Variants in EIF4EBP1 observed in about 807,000 individuals in gnomAD.
EIF4EBP1 encodes eukaryotic translation initiation factor 4E binding protein 1, also known as eukaryotic translation initiation factor 4E-binding protein 1.
Under a neutral mutation model 9.2 loss-of-function variants are expected in EIF4EBP1, and 5 were observed. That is an observed-to-expected ratio of 0.54 (90% CI 0.28 to 1.14). The LOEUF is 1.14. EIF4EBP1 is among the 50% of genes most tolerant of loss of function. EIF4EBP1 has a pLI of 0.09. For missense variants in EIF4EBP1, 139 were observed against 169.6 expected (o/e 0.82, Z 1.00); for synonymous variants, 62 against 67.0 (o/e 0.93, Z 0.36).
intron 1 of EIF4EBP1, among the ~76,000 whole-genome samples, chr8:38,035,866 C>T (rs921605899): frequency 2.0e-5 from 3 of 149,994 alleles, no homozygotes; most frequent in African/African-American, 7.4e-5. Flanking sequence ...CGCTACCACG[C>T]CTGGCTAATT....
intron 1 of EIF4EBP1, among the ~76,000 whole-genome samples, chr8:38,043,908 G>A (rs1488793431): frequency 2.0e-5 from 3 of 152,012 alleles, no homozygotes; most frequent in Non-Finnish European, 4.4e-5. Context: ...AGACCATCCA[G>A]CCAGAAAAGC....
chr8:38,040,309 G>A (rs1039522440), intron 1 of EIF4EBP1, among the ~76,000 whole-genome samples: 1 of 152,206 alleles, frequency 6.6e-6, no homozygotes, highest in African/African-American at 2.4e-5. Context: ...GCTGCTCACT[G>A]ACATTTGGGT....
chr8:38,051,652 G>T (rs1809526462), intron 1 of EIF4EBP1, among the ~76,000 whole-genome samples: 1 of 151,894 alleles, frequency 6.6e-6, no homozygotes, highest in Non-Finnish European at 1.5e-5. Flanking sequence ...AGGCTGGAGT[G>T]CAGTGGCACG....
chr8:38,058,047 G>C (rs1809621425), intron 2 of EIF4EBP1, among the ~76,000 whole-genome samples: 1 of 152,166 alleles, frequency 6.6e-6, no homozygotes, highest in South Asian at 2.1e-4. Context: ...CCTCAGCTTG[G>C]CTGGCTCTGC....
chr8:38,041,581 C>T (rs1285858915), intron 1 of EIF4EBP1, among the ~76,000 whole-genome samples: 1 of 152,122 alleles, frequency 6.6e-6, no homozygotes, highest in East Asian at 1.9e-4. Context: ...GTGCAGAAGC[C>T]GACTGGAATC....
At chr8:38,048,287 T>G (rs1022025321) in intron 1 of EIF4EBP1, among the ~76,000 whole-genome samples, 1 of 151,874 alleles carries the variant, frequency 6.6e-6, no homozygotes, top group Non-Finnish European at 1.5e-5. Context: ...AAAAAAAAAT[T>G]TAAACTAAAA....
chr8:38,033,062 CTTTTTTTTT>C (rs765781155), intron 1 of EIF4EBP1, among the ~76,000 whole-genome samples: 3 of 125,464 alleles, frequency 2.4e-5, no homozygotes, highest in African/African-American at 8.7e-5. Flanking sequence ...TTCTTTCTTT[CTTTTTTTTT>C]TTTTTTTTTT....
intron 1 of EIF4EBP1, among the ~76,000 whole-genome samples, chr8:38,032,566 G>A (rs1426125314): frequency 6.6e-6 from 1 of 152,200 alleles, no homozygotes; most frequent in African/African-American, 2.4e-5. Flanking sequence ...TTGGGAAGTG[G>A]GGAGTGGGCA....
intron 1 of EIF4EBP1, among the ~76,000 whole-genome samples, chr8:38,049,762 G>A (rs768295342): frequency 2.6e-5 from 4 of 151,910 alleles, no homozygotes; most frequent in Admixed American, 6.6e-5. Flanking sequence ...GATTACAGGC[G>A]TGAGCCACCA....
rs148077634 is a variant in EIF4EBP1, at chr8:38,037,597, G to C, written c.145+6879G>C. Among the ~76,000 whole-genome samples, 1,472 of 152,190 alleles carry C rather than the reference G, an allele frequency of 9.7e-3. 24 individuals carry two copies. Among genetic ancestry groups the C allele is most frequent in the African/African-American group, 0.034 (1,397 of 41,528 alleles). On this transcript the variant is annotated intron_variant, in intron 1 of 2. Coordinates refer to ENST00000338825, the MANE Select transcript of EIF4EBP1 (RefSeq NM_004095.4). ...CAAAATGCTGGGATTACAGGCGTGAGCTACCATGCCTGGTCAGGATAACCT... is the reference window on the plus strand; with the variant it reads ...CAAAATGCTGGGATTACAGGCGTGACCTACCATGCCTGGTCAGGATAACCT...
chr8:38,045,378 G>C (rs1809436154), intron 1 of EIF4EBP1, among the ~76,000 whole-genome samples: 1 of 152,166 alleles, frequency 6.6e-6, no homozygotes, highest in South Asian at 2.1e-4. Flanking sequence ...AATGAGCCTA[G>C]TACAATGCCG....
chr8:38,041,136 C>G (rs1220838259), intron 1 of EIF4EBP1, among the ~76,000 whole-genome samples: 1 of 152,062 alleles, frequency 6.6e-6, no homozygotes. Flanking sequence ...GAATCTGGCT[C>G]TGTCGCCCAG....
chr8:38,041,676 C>G (rs1336303703), intron 1 of EIF4EBP1, among the ~76,000 whole-genome samples: 1 of 152,198 alleles, frequency 6.6e-6, no homozygotes, highest in Non-Finnish European at 1.5e-5. Flanking sequence ...TTCTCACGGC[C>G]TTATGTTCAC....
At chr8:38,033,749 T>TG (rs1809259267) in intron 1 of EIF4EBP1, among the ~76,000 whole-genome samples, 1 of 146,410 alleles carries the variant, frequency 6.8e-6, no homozygotes, top group African/African-American at 2.5e-5. Context: ...TTTCCTTTTT[T>TG]TTTTTTTTTT....
chr8:38,059,776 CAAAAAAAA>C, intron 2 of EIF4EBP1, 120 bp from the exon 3 acceptor site: 1 of 856,986 alleles, frequency 1.2e-6, no homozygotes, highest in South Asian at 1.7e-5. Context: ...AACAAAAAAA[CAAAAAAAA>C]ACTTATTTTC....
chr8:38,058,817 C>A (rs554020089), intron 2 of EIF4EBP1, among the ~76,000 whole-genome samples: 1 of 152,336 alleles, frequency 6.6e-6, no homozygotes, highest in Non-Finnish European at 1.5e-5. Context: ...GGCACAGTGG[C>A]TCATGCCTGA....
chr8:38,032,685 C>G (rs1809241297), intron 1 of EIF4EBP1, among the ~76,000 whole-genome samples: 1 of 152,188 alleles, frequency 6.6e-6, no homozygotes, highest in African/African-American at 2.4e-5. Context: ...TCTGAGATCA[C>G]TGGAAGAAGC....
intron 1 of EIF4EBP1, among the ~76,000 whole-genome samples, chr8:38,035,517 CTTA>C (rs1003600007): frequency 3.3e-5 from 5 of 151,042 alleles, no homozygotes; most frequent in African/African-American, 1.2e-4. Context: ...CACACCCGGC[CTTA>C]TTATTTTATT....
At chr8:38,032,204 C>G (rs1809234714) in intron 1 of EIF4EBP1, among the ~76,000 whole-genome samples, 1 of 144,706 alleles carries the variant, frequency 6.9e-6, no homozygotes, top group African/African-American at 2.9e-5. Context: ...AAATTGGAAG[C>G]CAGGATACTG....
Sources: allele counts gnomAD v4.1 joint callset (sites outside exome capture counted in the v4.1 genomes callset), GRCh38; gene constraint gnomAD v4.1.1; transcripts MANE v1.5; gene names NCBI Gene and HGNC (gene_info 2026-07-23, HGNC 2026-07-21).